CRNKL1: variants seen among roughly 807,000 people sequenced by gnomAD.
CRNKL1 encodes crooked neck pre-mRNA splicing factor 1, also known as crooked neck-like protein 1.
In CRNKL1, 35 loss-of-function variants were observed where a neutral mutation model predicts 103.7. The observed-to-expected ratio is 0.34, with a 90% CI of 0.26 to 0.45. The LOEUF (loss-of-function observed/expected upper bound fraction) is 0.45. CRNKL1 is among the 20% of genes least tolerant of loss of function. The probability of loss-of-function intolerance (pLI) is 1.00; values close to 1 mark genes in which losing one functional copy is unlikely to be tolerated. For synonymous variants in CRNKL1, 267 were observed against 282.6 expected, an observed-to-expected ratio of 0.94 and a Z score of 0.55; for missense variants, 645 against 836.0, an observed-to-expected ratio of 0.77 and a Z score of 2.82.
At position 20,037,553 on chromosome 20, in the gene CRNKL1, G is replaced by A; in HGVS notation, c.1666C>T (p.Gln556Ter). The stretch of plus-strand genomic sequence containing the variant: ...TCTTTTCCTGAAGACAACTCAAACT[G>A]AGCAAAGCTGATCCATACCTTTAAA... The part of the protein sequence containing the change: ...QHVKVWISFA[Q>*]FELSSGKEGS... Residue 556 changes from glutamine to a stop codon, truncating the protein, a stop_gained, in exon 13 of 14, where the codon CAG (glutamine) becomes TAG (stop). Coordinates refer to ENST00000536226, the MANE Select transcript of CRNKL1 (RefSeq NM_001278628.2). LOFTEE classifies it high-confidence loss of function. 1.2e-6 allele frequency: 2 copies of A among 1,613,884 alleles called. No individual in the cohort carries two copies. The highest frequency in any genetic ancestry group is 1.1e-5 in the South Asian group (1 of 91,046).
At chr20:20,050,069 G>A (rs1304021723) in intron 2 of CRNKL1, among the ~76,000 whole-genome samples, 1 of 152,078 alleles carries the variant, frequency 6.6e-6, no homozygotes, top group Non-Finnish European at 1.5e-5. Flanking sequence ...TGCCCGCCTC[G>A]GCCTCCCAAA....
At chr20:20,050,215 T>A (rs1181710014) in intron 2 of CRNKL1, among the ~76,000 whole-genome samples, 1 of 152,272 alleles carries the variant, frequency 6.6e-6, no homozygotes, top group Non-Finnish European at 1.5e-5. Context: ...TTCCATCTGC[T>A]AAACTTCCGC....
At chr20:20,050,354 C>G in intron 2 of CRNKL1, 116 bp downstream of exon 2, 1 of 784,600 alleles carries the variant, frequency 1.3e-6, no homozygotes, top group Non-Finnish European at 2.0e-6. Flanking sequence ...ATTATTCATG[C>G]GTCTGGAAAC....
At chr20:20,050,204 G>A (rs892417200) in intron 2 of CRNKL1, among the ~76,000 whole-genome samples, 11 of 152,176 alleles carry the variant, frequency 7.2e-5, no homozygotes, top group Non-Finnish European at 1.2e-4. Flanking sequence ...GTTGTCAGTT[G>A]TTCCATCTGC....
intron 4 of CRNKL1, among the ~76,000 whole-genome samples, 157 bp from the exon 5 acceptor site, chr20:20,048,088 AT>A (rs1028741412): frequency 1.3e-5 from 2 of 152,056 alleles, no homozygotes; most frequent in East Asian, 1.9e-4. Context: ...GGAAAAAAAG[AT>A]TTTTTTTTCT....
Position 20,036,228 on chromosome 20 carries a change from A to G in CRNKL1, c.2031T>C (p.His677=). 3 of 1,614,204 alleles carry G rather than the reference A, an allele frequency of 1.9e-6. No homozygotes were observed. Among genetic ancestry groups the G allele is most frequent in the Non-Finnish European group, 2.5e-6 (3 of 1,180,032 alleles). ...CACTCTCATCGACGTCCTCATCTGG[A>G]TGGTGCTCAGCATCCTCCTTTTCCT... is the stretch of plus-strand genomic sequence containing the variant. ...QQQEKEDAEH[H]PDEDVDESES Residue 677 remains histidine, a synonymous_variant, in exon 14 of 14, where the codon CAT becomes CAC. Coordinates refer to ENST00000536226, the MANE Select transcript of CRNKL1 (RefSeq NM_001278628.2).
intron 6 of CRNKL1, 41 bp from the exon 7 acceptor site, chr20:20,043,703 T>C: frequency 6.4e-7 from 1 of 1,573,470 alleles, no homozygotes; most frequent in East Asian, 2.3e-5. Context: ...AACACAATAT[T>C]CTCATGCCAG....
At chr20:20,039,539 TTAGATGGTCATCTAAAG>T (rs2043478058) in intron 11 of CRNKL1, 53 bp downstream of exon 11, 1 of 1,565,542 alleles carries the variant, frequency 6.4e-7, no homozygotes, top group African/African-American at 1.4e-5. Context: ...ACACCCACAT[TTAGATGGTCATCTAAAG>T]TAAGACTAAA....
rs1291997050 is a variant in CRNKL1 at position 20,037,559 on chromosome 20, AG to A, written c.1659del (p.Phe554LeufsTer14). 1.9e-6 allele frequency: 3 copies of A among 1,613,776 alleles called. No homozygotes were observed. The highest frequency in any genetic ancestry group is 1.7e-5 in the Admixed American group (1 of 59,948). Reference sequence around the variant, plus strand: ...CCTGAAGACAACTCAAACTGAGCAAAGCTGATCCATACCTTTAAAAAAAGTT... The same window carrying A: ...CCTGAAGACAACTCAAACTGAGCAAACTGATCCATACCTTTAAAAAAAGTT... ...QRTQHVKVWI[S>X]FAQFELSSGK... On this transcript the variant is annotated frameshift_variant, in exon 13 of 14. Coordinates refer to ENST00000536226, the MANE Select transcript of CRNKL1 (RefSeq NM_001278628.2). LOFTEE classifies it high-confidence loss of function.
intron 7 of CRNKL1, 66 bp from the exon 8 acceptor site, chr20:20,042,582 AGCTG>A: frequency 7.0e-7 from 1 of 1,434,476 alleles, no homozygotes; most frequent in Non-Finnish European, 9.5e-7. Context: ...AGGTTAAGCA[AGCTG>A]AAAAAAGGCA....
intron 6 of CRNKL1, among the ~76,000 whole-genome samples, chr20:20,044,880 T>A (rs1461398341): frequency 6.6e-6 from 1 of 152,132 alleles, no homozygotes; most frequent in Non-Finnish European, 1.5e-5. Context: ...TTCTCAATAT[T>A]TGAGCTATTT....
upstream of CRNKL1, among the ~76,000 whole-genome samples, chr20:20,054,007 TTG>T (rs376857534): frequency 7.2e-5 from 8 of 111,348 alleles, no homozygotes; most frequent in African/African-American, 1.0e-4. Flanking sequence ...TGTGTTTTTT[TTG>T]TTTGTTTTTT....
chr20:20,047,934 G>GT lies in CRNKL1; in HGVS notation c.456-4dup. ...CCTCCATGTACGTGTACTTGTACCTGTAACAAAATCACCCGAAAATATCTG... is the reference window on the plus strand; with the variant it reads ...CCTCCATGTACGTGTACTTGTACCTGTTAACAAAATCACCCGAAAATATCTG... On this transcript the variant is annotated splice_polypyrimidine_tract_variant and splice_region_variant and intron_variant, in intron 4 of 13. Coordinates refer to ENST00000536226, the MANE Select transcript of CRNKL1 (RefSeq NM_001278628.2). 6.2e-7 allele frequency: 1 copy of GT among 1,609,448 alleles called. No homozygotes were observed. Among genetic ancestry groups the GT allele is most frequent in the Non-Finnish European group, 8.5e-7 (1 of 1,176,398 alleles).
In CRNKL1 at chr20:20,035,011, A is replaced by G. The variant is rs555750318; in HGVS notation, c.*1184T>C. On this transcript the variant is annotated 3_prime_UTR_variant, in exon 14 of 14. Transcript: ENST00000536226. ...GTCCAGGTTAAAGGAAAACTCTCAGATCGGTTAATGCAGTTGAATTTTTGC... is the reference window on the plus strand; with the variant it reads ...GTCCAGGTTAAAGGAAAACTCTCAGGTCGGTTAATGCAGTTGAATTTTTGC... The G allele has an allele frequency of 2.6e-5, 4 of 152,274 alleles. No homozygotes were observed. In the South Asian group the frequency reaches 8.3e-4, roughly 32 times the overall value. 9.4% of individuals were successfully genotyped at this position (152,274 alleles called of 1,614,324 possible).
At chr20:20,044,577 G>A (rs6132263) in intron 6 of CRNKL1, among the ~76,000 whole-genome samples, 9,207 of 152,252 alleles carry the variant, frequency 0.06, 352 homozygotes, top group East Asian at 0.11. Context: ...GACTGGGAAT[G>A]CTCAAACCTG....
upstream of CRNKL1, chr20:20,052,593 T>G (rs780899904): frequency 1.3e-5 from 21 of 1,613,774 alleles, no homozygotes; most frequent in African/African-American, 2.7e-5. Context: ...GCGGATGAGG[T>G]GGGTAACGCC....
rs555623303 is a variant in CRNKL1, at chr20:20,045,479, G to A, written c.630C>T (p.Leu210=). The A allele has an allele frequency of 7.5e-6, 12 of 1,605,096 alleles. No individual in the cohort carries two copies. The highest frequency in any genetic ancestry group is 4.0e-5 in the African/African-American group (3 of 74,106). The change falls in exon 6 of 14, where the codon CTC becomes CTT. Residue 210 remains leucine (L), a synonymous_variant. Transcript: ENST00000536226. ...RARTIYERFV[L]VHPDVKNWIK... is the part of the protein sequence containing the mutation. Reference sequence around the variant, plus strand: ...TCCAGTTCTTAACATCAGGGTGCACGAGGACAAGTGCAAGGGAATTAAGGA... The same window carrying A: ...TCCAGTTCTTAACATCAGGGTGCACAAGGACAAGTGCAAGGGAATTAAGGA...
At chr20:20,042,257 A>G in intron 8 of CRNKL1, 68 bp downstream of exon 8, 1 of 1,366,494 alleles carries the variant, frequency 7.3e-7, no homozygotes, top group Non-Finnish European at 9.9e-7. Context: ...AAACATCCAC[A>G]ATAGGTGAGC....
intron 2 of CRNKL1, among the ~76,000 whole-genome samples, chr20:20,049,971 C>T (rs959012371): frequency 1.3e-5 from 2 of 152,162 alleles, no homozygotes; most frequent in Admixed American, 1.3e-4. Flanking sequence ...GCACCTGCCA[C>T]CACGCCTGGC....
Sources: gnomAD v4.1 joint callset for allele counts (sites outside exome capture counted in the v4.1 genomes callset) on GRCh38, gnomAD v4.1.1 for gene constraint, MANE v1.5 for transcripts, NCBI Gene and HGNC (gene_info 2026-07-23, HGNC 2026-07-21) for gene names.